UBR4: variants seen among roughly 807,000 people sequenced by gnomAD.
UBR4 encodes ubiquitin protein ligase E3 component n-recognin 4, also known as E3 ubiquitin-protein ligase UBR4.
UBR4 carries 124 observed loss-of-function variants against 575.6 expected under a neutral mutation model. The observed-to-expected ratio is 0.22, with a 90% confidence interval of 0.19 to 0.25. The LOEUF (loss-of-function observed/expected upper bound fraction) is 0.25, where lower values mean the gene tolerates loss of function less well. Ranked by LOEUF, UBR4 falls within the 10% of genes least tolerant of loss-of-function variation. UBR4 has a pLI of 1.00. For synonymous variants in UBR4, 2,455 were observed against 2,473.7 expected, an observed-to-expected ratio of 0.99 and a Z score of 0.22; for missense variants, 4,818 against 6,478.8, an observed-to-expected ratio of 0.74 and a Z score of 8.80.
chr1:19,161,372 C>A (rs1254440231), intron 37 of UBR4, among the ~76,000 whole-genome samples: 1 of 152,188 alleles, frequency 6.6e-6, no homozygotes, highest in Non-Finnish European at 1.5e-5. Flanking sequence ...GTGGGGAGGT[C>A]TTAGGAAAAA....
At chr1:19,103,656 T>G (rs1408126426) in intron 87 of UBR4, among the ~76,000 whole-genome samples, 2 of 152,132 alleles carry the variant, frequency 1.3e-5, no homozygotes, top group African/African-American at 4.8e-5. Flanking sequence ...GAAGAAAAAC[T>G]GAATTGAACA....
At position 19,110,203 on chromosome 1, in the gene UBR4, C is replaced by T. The variant is rs141419222; in HGVS notation, c.11998G>A (p.Ala4000Thr). The T allele has an allele frequency of 2.5e-6, 4 of 1,614,218 alleles. No homozygotes were observed. The African/African-American group carries it at 5.3e-5, about 22-fold the overall frequency. The change falls in exon 81 of 106, where the codon GCT becomes ACT. Residue 4000 changes from alanine to threonine, a missense_variant. Ala to Thr is a moderately conservative substitution (Grantham distance 58). Coordinates refer to ENST00000375254, the MANE Select transcript of UBR4 (RefSeq NM_020765.3). This position sits in a 1 kb window ranked among gnomAD's most constrained non-coding sequence, Gnocchi z 4.5. ...ACCACAGGAGTCTTAATGTTCACAG[C>T]CATGAGGAAAAGGCTGAGAGCTAGG... ...LRCALSLFLM[A>T]VNIKTPVVVE...
chr1:19,164,749 C>T (rs764611892), intron 32 of UBR4, 50 bp downstream of exon 32: 12 of 1,596,614 alleles, frequency 7.5e-6, no homozygotes, highest in South Asian at 6.7e-5. Flanking sequence ...CAAATATCAA[C>T]GTGTTTCTGG....
In UBR4 at chr1:19,155,634, G is replaced by A. The variant is rs1364489000; in HGVS notation, c.6107C>T (p.Thr2036Ile). Residue 2036 changes from threonine (T) to isoleucine (I), a missense_variant, in exon 43 of 106, where the codon ACC (threonine) becomes ATC (isoleucine). By Grantham distance (89) the Thr-to-Ile change is moderately conservative (BLOSUM62 -1). Coordinates refer to ENST00000375254, the MANE Select transcript of UBR4 (RefSeq NM_020765.3). The stretch of plus-strand genomic sequence containing the variant: ...TGAGCTTGGCAGGAGAAAATAGAAG[G>A]TTGGACTCAAGGCATCAACACACAG... Reference protein sequence around the residue: ...YDLCVDALSPTFYFLLPSSKI... With the variant: ...YDLCVDALSPIFYFLLPSSKI... The A allele has an allele frequency of 6.2e-7, 1 of 1,614,150 alleles. No individual in the cohort carries two copies. Among genetic ancestry groups the A allele is most frequent in the South Asian group, 1.1e-5 (1 of 91,084 alleles).
chr1:19,178,123 C>A (rs2090475643), intron 18 of UBR4, among the ~76,000 whole-genome samples: 1 of 152,096 alleles, frequency 6.6e-6, no homozygotes. Context: ...GACAGGTGAA[C>A]CAGTTCAATT....
At chr1:19,185,665 C>T (rs138546043) in intron 14 of UBR4, among the ~76,000 whole-genome samples, 2,552 of 151,862 alleles carry the variant, frequency 0.017, 29 homozygotes, top group Non-Finnish European at 0.027. Context: ...CCTCCACCTC[C>T]CAGGTTCAAG....
Position 19,110,045 on chromosome 1 carries a change from G to A in UBR4, c.12105+51C>T, listed in dbSNP as rs1182038725. On this transcript the variant is annotated intron_variant, in intron 81 of 105. Coordinates refer to ENST00000375254, the MANE Select transcript of UBR4 (RefSeq NM_020765.3). This position sits in a 1 kb window ranked among gnomAD's most constrained non-coding sequence, Gnocchi z 4.5. ...GGCAGGGCACACTGCCAGGGAATGAGGAGGGTGGCCGCCCTGCCCTTCCTT... is the reference window on the plus strand; with the variant it reads ...GGCAGGGCACACTGCCAGGGAATGAAGAGGGTGGCCGCCCTGCCCTTCCTT... 4 of 1,610,260 alleles carry A rather than the reference G, an allele frequency of 2.5e-6. No homozygotes were observed. In the African/African-American group the frequency reaches 5.3e-5, roughly 22 times the overall value.
In UBR4 at chr1:19,153,704, T is replaced by C; in HGVS notation, c.6630+64A>G. ...GAAAGAGCTGGGAAAGTGAAATGAATATACAAACATAAAAAGAGACCAGGT... is the reference window on the plus strand; with the variant it reads ...GAAAGAGCTGGGAAAGTGAAATGAACATACAAACATAAAAAGAGACCAGGT... On this transcript the variant is annotated intron_variant, in intron 45 of 105. Coordinates refer to ENST00000375254, the MANE Select transcript of UBR4 (RefSeq NM_020765.3). This position sits in a 1 kb window ranked among gnomAD's most constrained non-coding sequence, Gnocchi z 4.1. The C allele has an allele frequency of 1.9e-6, 3 of 1,554,910 alleles. No individual in the cohort carries two copies. Among genetic ancestry groups the C allele is most frequent in the Non-Finnish European group, 2.6e-6 (3 of 1,152,092 alleles).
intron 11 of UBR4, among the ~76,000 whole-genome samples, chr1:19,188,454 C>T (rs184027916): frequency 1.4e-4 from 22 of 152,106 alleles, no homozygotes; most frequent in Admixed American, 1.2e-3. Flanking sequence ...CCCAACAGGC[C>T]GGGGCAGAAG....
intron 104 of UBR4, chr1:19,077,733 CA>C: frequency 4.9e-6 from 7 of 1,422,006 alleles, no homozygotes; most frequent in East Asian, 3.2e-5. Flanking sequence ...AACTCCGTCT[CA>C]AAAAAACCAA....
intron 65 of UBR4, among the ~76,000 whole-genome samples, chr1:19,123,639 G>A (rs957520178): frequency 2.0e-5 from 3 of 152,032 alleles, no homozygotes; most frequent in African/African-American, 4.8e-5. Flanking sequence ...GAATCTACAG[G>A]CAAGCTGGAC....
At chr1:19,179,634 G>A (rs540272196) in intron 17 of UBR4, among the ~76,000 whole-genome samples, 1 of 152,306 alleles carries the variant, frequency 6.6e-6, no homozygotes, top group South Asian at 2.1e-4. Flanking sequence ...ACACCCAAAA[G>A]GGGAAGATCC....
intron 61 of UBR4, 76 bp from the exon 62 acceptor site, chr1:19,128,394 G>C: frequency 7.9e-7 from 1 of 1,261,060 alleles, no homozygotes; most frequent in Non-Finnish European, 1.2e-6. Context: ...TGTTTCAGAA[G>C]AAATCCTAAT....
chr1:19,105,343 A>C (rs2079069854), intron 84 of UBR4, among the ~76,000 whole-genome samples, 154 bp from the exon 85 acceptor site: 1 of 152,132 alleles, frequency 6.6e-6, no homozygotes, highest in Admixed American at 6.5e-5. Flanking sequence ...GACAGCTCCA[A>C]TTCCCACATG....
intron 13 of UBR4, 89 bp downstream of exon 13, chr1:19,187,073 GTT>G (rs1491189355): frequency 1.1e-5 from 9 of 842,130 alleles, no homozygotes; most frequent in South Asian, 5.7e-5. Flanking sequence ...TTTCAAGAAA[GTT>G]TTATATATAT....
chr1:19,081,673 T>C (rs1244393230), intron 102 of UBR4, 100 bp from the exon 103 acceptor site: 1 of 1,320,672 alleles, frequency 7.6e-7, no homozygotes, highest in Non-Finnish European at 1.1e-6. Flanking sequence ...TCTTGTGACA[T>C]TTGCTGAACG....
At position 19,152,485 on chromosome 1, in the gene UBR4, A is replaced by G; in HGVS notation, c.6833-9T>C. 1.2e-6 allele frequency: 2 copies of G among 1,613,596 alleles called. No homozygotes were observed. The highest frequency in any genetic ancestry group is 1.7e-6 in the Non-Finnish European group (2 of 1,179,820). On this transcript the variant is annotated splice_polypyrimidine_tract_variant and intron_variant, in intron 46 of 105. Transcript: ENST00000375254. The surrounding 1 kb of genome is among the most constrained non-coding windows in gnomAD (Gnocchi z 4.4). ...GCTAGACGTGCGGGTTGCTGCAGAG[A>G]ACGGTACCAGATCGTCAAGAGTCTC...
At position 19,094,062 on chromosome 1, in the gene UBR4, G is replaced by A. The variant is rs2077787773; in HGVS notation, c.13824C>T (p.Ser4608=). Residue 4608 remains serine, a synonymous_variant, in exon 95 of 106, where the codon TCC becomes TCT. Coordinates refer to ENST00000375254, the MANE Select transcript of UBR4 (RefSeq NM_020765.3). ...LDQINSTFVR[S]NPSVLQGLLR... is the part of the protein sequence containing the mutation. ...GCAGGCCCTGGAGCACACTGGGGTT[G>A]GAGCGAACAAAGGTGCTGTTGATCT... 1 of 1,614,088 alleles carries A rather than the reference G, an allele frequency of 6.2e-7. No individual in the cohort carries two copies. Among genetic ancestry groups the A allele is most frequent in the Non-Finnish European group, 8.5e-7 (1 of 1,180,004 alleles).
In UBR4 at chr1:19,126,483, G is replaced by A; in HGVS notation, c.9401C>T (p.Pro3134Leu). 6.2e-7 allele frequency: 1 copy of A among 1,614,206 alleles called. No individual in the cohort carries two copies. The highest frequency in any genetic ancestry group is 8.5e-7 in the Non-Finnish European group (1 of 1,180,036). Residue 3134 changes from proline (P) to leucine (L), a missense_variant, in exon 64 of 106, where the codon CCT becomes CTT. By Grantham distance (98) the Pro-to-Leu change is moderately conservative. Transcript: ENST00000375254. ...GCGGAGAAAGAATGGGCTCATGTCA[G>A]GTGGGGAGGAGGTAGTATGTGGTTT... ...LLKPHTTSSPPDMSPFFLRQY... is the reference protein window; with the variant it reads ...LLKPHTTSSPLDMSPFFLRQY...
Sources: allele counts gnomAD v4.1 joint callset (sites outside exome capture counted in the v4.1 genomes callset), GRCh38; gene constraint gnomAD v4.1.1; non-coding constraint Gnocchi (gnomAD v3.1); transcripts MANE v1.5; gene names NCBI Gene and HGNC (gene_info 2026-07-23, HGNC 2026-07-21).